Variants in PTGES2 observed in about 807,000 individuals in gnomAD.
PTGES2 encodes prostaglandin E synthase 2.
A neutral mutation model predicts 44.5 loss-of-function variants in PTGES2; 35 were observed. The ratio of observed to expected loss-of-function variants is 0.79; its 90% CI spans 0.60 to 1.04. PTGES2 has a LOEUF of 1.04. Ranked by LOEUF, PTGES2 falls within the 50% of genes least tolerant of loss-of-function variation. PTGES2 has a pLI of 0.00. For synonymous variants in PTGES2, 221 were observed against 227.5 expected (o/e 0.97, Z 0.26); for missense variants, 517 against 521.4 (o/e 0.99, Z 0.08).
chr9:128,128,010 C>T (rs1588076229), upstream of PTGES2: 1 of 411,830 alleles, frequency 2.4e-6, no homozygotes, highest in South Asian at 3.1e-5. Context: ...CTCCTCGCCC[C>T]ACCTTGACCG....
intron 1 of PTGES2, among the ~76,000 whole-genome samples, chr9:128,127,199 A>AAAAC (rs1179444553): frequency 6.7e-5 from 10 of 149,734 alleles, no homozygotes; most frequent in Non-Finnish European, 1.3e-4. Context: ...ACCAAAAAAA[A>AAAAC]AAAAAAAAAA....
Position 128,122,987 on chromosome 9 carries a change from G to A in PTGES2, c.834C>T (p.Ala278=), listed in dbSNP as rs892674937. 1 of 1,613,884 alleles carries A rather than the reference G, an allele frequency of 6.2e-7. No homozygotes were observed. The highest frequency in any genetic ancestry group is 1.3e-5 in the African/African-American group (1 of 74,900). Residue 278 remains alanine (A), a synonymous_variant, in exon 5 of 7, where the codon GCC becomes GCT. Coordinates refer to ENST00000338961, the MANE Select transcript of PTGES2 (RefSeq NM_025072.7). ...ACATGGCCGCTGCACCCATGTACTT[G>A]GCCACGGCACCCTCCACGGCTCCGA... The part of the protein sequence containing the change: ...GKFGAVEGAV[A]KYMGAAAMYL...
At position 128,121,113 on chromosome 9, in the gene PTGES2, C is replaced by A; in HGVS notation, c.*32G>T. On this transcript the variant is annotated 3_prime_UTR_variant, in exon 7 of 7. Transcript: ENST00000338961. ...CCAGGCCCTGGCAGCTGGCGTCTTCCGCTGCCTTCCCTCTGCTCTGCGCGG... is the reference window on the plus strand; with the variant it reads ...CCAGGCCCTGGCAGCTGGCGTCTTCAGCTGCCTTCCCTCTGCTCTGCGCGG... 1 of 1,562,358 alleles carries A rather than the reference C, an allele frequency of 6.4e-7. No individual in the cohort carries two copies. Among genetic ancestry groups the A allele is most frequent in the African/African-American group, 1.4e-5 (1 of 73,756 alleles).
intron 1 of PTGES2, among the ~76,000 whole-genome samples, chr9:128,125,990 T>C (rs1834604088): frequency 6.6e-6 from 1 of 152,242 alleles, no homozygotes; most frequent in Admixed American, 6.5e-5. Flanking sequence ...CACTGCAGCC[T>C]TGAACTCCGG....
At position 128,121,154 on chromosome 9, in the gene PTGES2, TG is replaced by T. The variant is rs1834393491; in HGVS notation, c.1124del (p.Pro375GlnfsTer?). ...CTCTGCGCGGGGACATTCAGTGCGC[TG>T]GGGAGGCCTCGGTGATGGCCCTCTC... ...RVERAITEAS[P>X]AH On this transcript the variant is annotated frameshift_variant, in exon 7 of 7. Transcript: ENST00000338961. LOFTEE classifies it high-confidence loss of function. 6 of 1,587,248 alleles carry T rather than the reference TG, an allele frequency of 3.8e-6. No homozygotes were observed. In the African/African-American group the frequency reaches 5.4e-5, roughly 14 times the overall value.
chr9:128,124,621 C>G, intron 2 of PTGES2, 71 bp from the exon 3 acceptor site: 1 of 1,511,382 alleles, frequency 6.6e-7, no homozygotes, highest in Non-Finnish European at 9.2e-7. Flanking sequence ...GGCTCTTTAA[C>G]AAGACACTCT....
chr9:128,121,265 A>G lies in PTGES2; in HGVS notation c.1014T>C (p.Tyr338=), dbSNP rs372856480. ...QKPNLADLAV[Y]GVLRVMEGLD... Reference sequence around the variant, plus strand: ...GCCCCTCCATCACACGCAGCACGCCATACACCGCCTGGGGCACGAACAGAA... The same window carrying G: ...GCCCCTCCATCACACGCAGCACGCCGTACACCGCCTGGGGCACGAACAGAA... Residue 338 remains tyrosine (Y), a synonymous_variant, in exon 7 of 7, where the codon TAT becomes TAC. Coordinates refer to ENST00000338961, the MANE Select transcript of PTGES2 (RefSeq NM_025072.7). The G allele has an allele frequency of 6.8e-6, 11 of 1,607,464 alleles. No homozygotes were observed. In the African/African-American group the frequency reaches 1.3e-4, roughly 20 times the overall value.
intron 1 of PTGES2, among the ~76,000 whole-genome samples, 158 bp downstream of exon 1, chr9:128,127,281 A>G (rs1295081635): frequency 6.8e-6 from 1 of 147,582 alleles, no homozygotes; most frequent in Non-Finnish European, 1.5e-5. Context: ...GAGTGCCCCT[A>G]TTTTACACAA....
intron 6 of PTGES2, 22 bp downstream of exon 6, chr9:128,122,340 C>T (rs1834441138): frequency 6.3e-7 from 1 of 1,590,044 alleles, no homozygotes; most frequent in African/African-American, 1.3e-5. Context: ...GTCCAGGCAC[C>T]ACCTGCCACC....
chr9:128,121,481 C>T (rs1834409417), intron 6 of PTGES2, among the ~76,000 whole-genome samples: 1 of 152,010 alleles, frequency 6.6e-6, no homozygotes, highest in African/African-American at 2.4e-5. Flanking sequence ...ACCCCCTTTT[C>T]TGGGCCACAG....
At chr9:128,128,174 G>GCGCGGCGGCT (rs11282144), upstream of PTGES2, 1 of 376,190 alleles carries the variant, frequency 2.7e-6, no homozygotes, top group African/African-American at 2.2e-5. Flanking sequence ...GGCACCAGGT[G>GCGCGGCGGCT]TTGCGGTTCT....
In PTGES2 at chr9:128,127,712, G is replaced by C; in HGVS notation, c.6C>G (p.Asp2Glu). Residue 2 changes from aspartate (D) to glutamate (E), a missense_variant, in exon 1 of 7, where the codon GAC becomes GAG. Transcript: ENST00000338961. Reference protein sequence around the residue: MDPAARVVRALW... With the variant: MEPAARVVRALW... ...GCGCCCGCACCACCCGCGCAGCCGGGTCCATGTTCGCTCCGCCGGCGCCGC... is the reference window on the plus strand; with the variant it reads ...GCGCCCGCACCACCCGCGCAGCCGGCTCCATGTTCGCTCCGCCGGCGCCGC... 1 of 1,267,850 alleles carries C rather than the reference G, an allele frequency of 7.9e-7. No individual in the cohort carries two copies. Among genetic ancestry groups the C allele is most frequent in the Non-Finnish European group, 9.9e-7 (1 of 1,008,150 alleles). The allele number at this position is 1,267,850 out of a possible 1,614,324, so 78.5% of individuals were successfully genotyped here. A position where few individuals can be genotyped will look rare whatever the true frequency, so the allele number is the denominator to read the frequency against.
intron 2 of PTGES2, 84 bp downstream of exon 2, chr9:128,125,160 G>T: frequency 1.6e-6 from 2 of 1,279,024 alleles, no homozygotes; most frequent in Non-Finnish European, 2.2e-6. Flanking sequence ...TTCCTTCCCA[G>T]GCTGCAGAGC....
Position 128,123,260 on chromosome 9 carries a change from T to C in PTGES2, c.687-126A>G. On this transcript the variant is annotated intron_variant, in intron 4 of 6. Coordinates refer to ENST00000338961, the MANE Select transcript of PTGES2 (RefSeq NM_025072.7). This position sits in a 1 kb window ranked among gnomAD's most constrained non-coding sequence, Gnocchi z 4.4. Reference sequence around the variant, plus strand: ...CCTGAGCAGGAAGGTCTTTTTTTTTTTTTTGAGACAAAGTCTCGCTCTGTC... The same window carrying C: ...CCTGAGCAGGAAGGTCTTTTTTTTTCTTTTGAGACAAAGTCTCGCTCTGTC... The C allele has an allele frequency of 1.1e-6, 1 of 883,488 alleles. No individual in the cohort carries two copies. 54.7% of individuals were successfully genotyped at this position (883,488 alleles called of 1,614,324 possible). A position where few individuals can be genotyped will look rare whatever the true frequency, so the allele number is the denominator to read the frequency against.
intron 5 of PTGES2, chr9:128,122,693 G>A (rs943126858): frequency 1.4e-5 from 9 of 628,998 alleles, no homozygotes; most frequent in Non-Finnish European, 2.2e-5. Flanking sequence ...CCACAGAGGA[G>A]GCGCCAGTCA....
intron 6 of PTGES2, among the ~76,000 whole-genome samples, chr9:128,121,996 G>A (rs904296594): frequency 1.3e-5 from 2 of 152,014 alleles, no homozygotes; most frequent in South Asian, 2.1e-4. Context: ...GCCCTCCCAG[G>A]GGTTTTCTGG....
At chr9:128,121,996 G>C (rs904296594) in intron 6 of PTGES2, among the ~76,000 whole-genome samples, 3 of 152,014 alleles carry the variant, frequency 2.0e-5, no homozygotes, top group Admixed American at 1.3e-4. Context: ...GCCCTCCCAG[G>C]GGTTTTCTGG....
Position 128,125,441 on chromosome 9 carries a change from G to A in PTGES2, c.280C>T (p.Leu94Phe), listed in dbSNP as rs1282268187. Reference sequence around the variant, plus strand: ...AGCTGCAGGCGGCTGGACAGGGAGAGCTGCGGGCAGCAGACGGAAAAGGCT... The same window carrying A: ...AGCTGCAGGCGGCTGGACAGGGAGAACTGCGGGCAGCAGACGGAAAAGGCT... Reference protein sequence around the residue: ...DLHAERSAAQLSLSSRLQLTL... With the variant: ...DLHAERSAAQFSLSSRLQLTL... The change falls in exon 2 of 7, where the codon CTC becomes TTC. Residue 94 changes from leucine to phenylalanine, a missense_variant and splice_region_variant. Physicochemically the swap from Leu to Phe is conservative, Grantham distance 22 (BLOSUM62 0). Coordinates refer to ENST00000338961, the MANE Select transcript of PTGES2 (RefSeq NM_025072.7). 7.4e-6 allele frequency: 12 copies of A among 1,613,668 alleles called. No individual in the cohort carries two copies. The East Asian group carries it at 2.5e-4, about 33-fold the overall frequency.
intron 1 of PTGES2, 150 bp from the exon 2 acceptor site, chr9:128,125,591 G>C: frequency 1.4e-6 from 1 of 734,344 alleles, no homozygotes; most frequent in Non-Finnish European, 2.2e-6. Context: ...AGGGGAAAGG[G>C]AGGCACTGGA....
Sources: allele counts gnomAD v4.1 joint callset (sites outside exome capture counted in the v4.1 genomes callset), GRCh38; gene constraint gnomAD v4.1.1; non-coding constraint Gnocchi (gnomAD v3.1); transcripts MANE v1.5; gene names NCBI Gene and HGNC (gene_info 2026-07-23, HGNC 2026-07-21).